The following RGCC variants were observed in gnomAD, a reference collection of about 807,000 sequenced individuals.
RGCC encodes the protein regulator of cell cycle RGCC.
RGCC carries 15 observed loss-of-function variants against 15.4 expected under a neutral mutation model. The observed-to-expected ratio is 0.97, with a 90% CI of 0.65 to 1.50. The LOEUF (loss-of-function observed/expected upper bound fraction) is 1.50, where lower values mean the gene tolerates loss of function less well. Ranked by LOEUF, RGCC falls within the 40% of genes most tolerant of loss-of-function variation. The pLI, the probability that RGCC is intolerant of heterozygous loss-of-function variation, is 0.00. For synonymous variants in RGCC, 81 were observed against 78.0 expected, an observed-to-expected ratio of 1.04 and a Z score of -0.20; for missense variants, 176 against 189.7, an observed-to-expected ratio of 0.93 and a Z score of 0.42.
chr13:41,469,252 T>G (rs2043862836), intron 4 of RGCC, among the ~76,000 whole-genome samples: 1 of 146,834 alleles, frequency 6.8e-6, no homozygotes, highest in Admixed American at 6.8e-5. Flanking sequence ...AGAGCAAGAC[T>G]CCGTCAAAAT....
At chr13:41,466,311 T>TCA (rs551833598) in intron 2 of RGCC, among the ~76,000 whole-genome samples, 6 of 151,336 alleles carry the variant, frequency 4.0e-5, no homozygotes, top group South Asian at 2.1e-4. Flanking sequence ...ACTTTCTCTC[T>TCA]CACACACACA....
Position 41,470,718 on chromosome 13 carries a change from C to T in RGCC, c.*233C>T. 2.0e-6 allele frequency: 1 copy of T among 501,630 alleles called. No individual in the cohort carries two copies. 31.1% of individuals were successfully genotyped at this position (501,630 alleles called of 1,614,324 possible). ...CTTGCAGCATATTAGAACAGACGAT[C>T]CATGCTAATATTGTATTTTCTCTTA... is the stretch of plus-strand genomic sequence containing the variant. On this transcript the variant is annotated 3_prime_UTR_variant, in exon 5 of 5. Transcript: ENST00000379359.
chr13:41,466,863 T>C lies in RGCC; in HGVS notation c.276T>C (p.Asp92=), dbSNP rs1434657605. 1 of 1,614,030 alleles carries C rather than the reference T, an allele frequency of 6.2e-7. No homozygotes were observed. Among genetic ancestry groups the C allele is most frequent in the Non-Finnish European group, 8.5e-7 (1 of 1,179,882 alleles). The part of the protein sequence containing the change: ...SLYRNSFSFS[D]EKLNSPTDST... The stretch of plus-strand genomic sequence containing the variant: ...ATAGGAACAGCTTCAGCTTCAGTGA[T>C]GAAAAACTGAATTCTCCAACAGACT... The change falls in exon 3 of 5, where the codon GAT becomes GAC. Residue 92 remains aspartate (D), a synonymous_variant. Transcript: ENST00000379359.
rs895945707 is a variant in RGCC, at chr13:41,470,644, G to A, written c.*159G>A. 1.4e-6 allele frequency: 1 copy of A among 712,878 alleles called. No homozygotes were observed. The allele number at this position is 712,878 out of a possible 1,614,324, so 44.2% of individuals were successfully genotyped here. On this transcript the variant is annotated 3_prime_UTR_variant, in exon 5 of 5. Transcript: ENST00000379359. ...CAGGCTCACCTTAAAATCAGCCCTT[G>A]ATCCCATTTCTGGGCAATTTAGACA... is the stretch of plus-strand genomic sequence containing the variant.
At chr13:41,470,223 C>T (rs2043869356) in intron 4 of RGCC, among the ~76,000 whole-genome samples, 2 of 152,146 alleles carry the variant, frequency 1.3e-5, no homozygotes, top group Non-Finnish European at 2.9e-5. Context: ...CATCTTACAT[C>T]AGAAGACCAG....
At chr13:41,466,955 G>A in intron 3 of RGCC, 25 bp downstream of exon 3, 2 of 1,544,876 alleles carry the variant, frequency 1.3e-6, no homozygotes, top group Non-Finnish European at 1.8e-6. Flanking sequence ...TGGAATTTGA[G>A]TTTTTTGCTT....
chr13:41,458,620 G>A lies in RGCC; in HGVS notation c.235+150G>A. 1 of 934,202 alleles carries A rather than the reference G, an allele frequency of 1.1e-6. No individual in the cohort carries two copies. The highest frequency in any genetic ancestry group is 1.6e-6 in the Non-Finnish European group (1 of 642,374). 57.9% of individuals were successfully genotyped at this position (934,202 alleles called of 1,614,324 possible). A position where few individuals can be genotyped will look rare whatever the true frequency, so the allele number is the denominator to read the frequency against. On this transcript the variant is annotated intron_variant, in intron 2 of 4. Coordinates refer to ENST00000379359, the MANE Select transcript of RGCC (RefSeq NM_014059.3). The surrounding 1 kb of genome is among the most constrained non-coding windows in gnomAD (Gnocchi z 4.4). Reference sequence around the variant, plus strand: ...TAGGCCGAGTGGTGGCGGGGCCCCTGACGATAATCACGGGAAAGGTCGCTG... The same window carrying A: ...TAGGCCGAGTGGTGGCGGGGCCCCTAACGATAATCACGGGAAAGGTCGCTG...
intron 2 of RGCC, among the ~76,000 whole-genome samples, chr13:41,465,328 A>G (rs2043841767): frequency 6.6e-6 from 1 of 152,150 alleles, no homozygotes; most frequent in Admixed American, 6.5e-5. Flanking sequence ...CTCAGGGGCC[A>G]CATCCTGCTT....
chr13:41,468,865 A>T, intron 4 of RGCC, 27 bp downstream of exon 4: 1 of 1,499,698 alleles, frequency 6.7e-7, no homozygotes, highest in Non-Finnish European at 9.2e-7. Flanking sequence ...TATTAAAAAC[A>T]AAAAAACAAA....
chr13:41,463,890 C>T (rs2139575573), intron 2 of RGCC, among the ~76,000 whole-genome samples: 1 of 152,336 alleles, frequency 6.6e-6, no homozygotes, highest in South Asian at 2.1e-4. Flanking sequence ...CTTCTTCCAA[C>T]ATTCAATAGC....
At chr13:41,464,570 T>C (rs1162226099) in intron 2 of RGCC, among the ~76,000 whole-genome samples, 3 of 152,112 alleles carry the variant, frequency 2.0e-5, no homozygotes, top group Non-Finnish European at 2.9e-5. Flanking sequence ...AAGTGTCCCG[T>C]GGTCAGGTAC....
At chr13:41,465,359 G>T (rs888151709) in intron 2 of RGCC, among the ~76,000 whole-genome samples, 1 of 152,190 alleles carries the variant, frequency 6.6e-6, no homozygotes, top group Non-Finnish European at 1.5e-5. Context: ...CCTTGCCTTT[G>T]CACCCTTTGA....
chr13:41,457,845 C>T lies in RGCC; in HGVS notation c.49+89C>T, dbSNP rs1593574157. 3.0e-6 allele frequency: 4 copies of T among 1,341,910 alleles called. No individual in the cohort carries two copies. The highest frequency in any genetic ancestry group is 2.1e-5 in the South Asian group (1 of 47,574). 83.1% of individuals were successfully genotyped at this position (1,341,910 alleles called of 1,614,324 possible). Reference sequence around the variant, plus strand: ...GGGCCCCGTGTCGTCCCTTCACACCCCCCACCCTTCCATCCTCCCCGGCGG... The same window carrying T: ...GGGCCCCGTGTCGTCCCTTCACACCTCCCACCCTTCCATCCTCCCCGGCGG... On this transcript the variant is annotated intron_variant, in intron 1 of 4. Coordinates refer to ENST00000379359, the MANE Select transcript of RGCC (RefSeq NM_014059.3). The surrounding 1 kb of genome is among the most constrained non-coding windows in gnomAD (Gnocchi z 4.9).
intron 4 of RGCC, 145 bp from the exon 5 acceptor site, chr13:41,470,333 T>A (rs969016590): frequency 2.5e-6 from 2 of 797,014 alleles, no homozygotes; most frequent in African/African-American, 3.4e-5. Context: ...GGTTGCCCAG[T>A]CATTCCAGTT....
In RGCC at chr13:41,458,284, G is replaced by A. The variant is rs866498955; in HGVS notation, c.50-1G>A. 1 of 1,567,758 alleles carries A rather than the reference G, an allele frequency of 6.4e-7. No homozygotes were observed. Among genetic ancestry groups the A allele is most frequent in the Non-Finnish European group, 8.6e-7 (1 of 1,164,002 alleles). ...CACTGAGCCCCTGGCCCTGCCCGCA[G>A]CCCCGGCCCTGGACTCGGCGGCCGC... is the stretch of plus-strand genomic sequence containing the variant. On this transcript the variant is annotated splice_acceptor_variant, in intron 1 of 4. Transcript: ENST00000379359. LOFTEE classifies it high-confidence loss of function. The surrounding 1 kb of genome is among the most constrained non-coding windows in gnomAD (Gnocchi z 4.4).
chr13:41,460,121 T>C (rs1358271559), intron 2 of RGCC, among the ~76,000 whole-genome samples: 1 of 152,228 alleles, frequency 6.6e-6, no homozygotes, highest in Non-Finnish European at 1.5e-5. Context: ...CTTTTGTTGT[T>C]AACGGACTAA....
intron 3 of RGCC, among the ~76,000 whole-genome samples, chr13:41,468,215 T>A (rs892350544): frequency 1.2e-4 from 18 of 152,280 alleles, no homozygotes; most frequent in Admixed American, 3.9e-4. Context: ...TCATTTCATA[T>A]TGGAGGAACT....
rs1184847027 is a variant in RGCC, at chr13:41,466,754, G to A, written c.236-69G>A. On this transcript the variant is annotated intron_variant, in intron 2 of 4. Transcript: ENST00000379359. Reference sequence around the variant, plus strand: ...GAAGACAAATTGTTGGTTATCAATAGACTATAAAGTGCTAAGTCTATAATC... The same window carrying A: ...GAAGACAAATTGTTGGTTATCAATAAACTATAAAGTGCTAAGTCTATAATC... 4.6e-6 allele frequency: 5 copies of A among 1,084,882 alleles called. No homozygotes were observed. The East Asian group carries it at 1.2e-4, about 26-fold the overall frequency. The allele number at this position is 1,084,882 out of a possible 1,614,324, so 67.2% of individuals were successfully genotyped here. A position where few individuals can be genotyped will look rare whatever the true frequency, so the allele number is the denominator to read the frequency against.
chr13:41,467,700 C>T (rs2043855750), intron 3 of RGCC, among the ~76,000 whole-genome samples: 1 of 152,204 alleles, frequency 6.6e-6, no homozygotes, highest in Non-Finnish European at 1.5e-5. Context: ...CAGGACTTCA[C>T]TCTTTTTTCA....
Sources: allele counts gnomAD v4.1 joint callset (sites outside exome capture counted in the v4.1 genomes callset), GRCh38; gene constraint gnomAD v4.1.1; non-coding constraint Gnocchi (gnomAD v3.1); transcripts MANE v1.5; gene names NCBI Gene and HGNC (gene_info 2026-07-23, HGNC 2026-07-21).